ZNF880: variants seen among roughly 807,000 people sequenced by gnomAD.
ZNF880 encodes zinc finger protein 880.
Under a neutral mutation model 11.8 loss-of-function variants are expected in ZNF880, and 12 were observed. The ratio of observed to expected loss-of-function variants is 1.02; its 90% CI spans 0.65 to 1.65. ZNF880 has a LOEUF of 1.65. Ranked by LOEUF, ZNF880 falls within the 40% of genes most tolerant of loss-of-function variation. The probability of loss-of-function intolerance (pLI) is 0.00; values close to 1 mark genes in which losing one functional copy is unlikely to be tolerated. For synonymous variants in ZNF880, 210 were observed against 232.4 expected (o/e 0.90, Z 0.88); for missense variants, 601 against 673.9 (o/e 0.89, Z 1.20).
In ZNF880 at chr19:52,374,495, G is replaced by T. The variant is rs772416487; in HGVS notation, c.268+68G>T. On this transcript the variant is annotated intron_variant, in intron 3 of 3. Coordinates refer to ENST00000422689, the MANE Select transcript of ZNF880 (RefSeq NM_001145434.2). Reference sequence around the variant, plus strand: ...TTTTTTTTAAACAGGGTCTTGCTCTGTCACCCAGGCTGTCGTAGAGTGGCA... The same window carrying T: ...TTTTTTTTAAACAGGGTCTTGCTCTTTCACCCAGGCTGTCGTAGAGTGGCA... The T allele has an allele frequency of 5.9e-6, 9 of 1,537,930 alleles. No homozygotes were observed. The East Asian group carries it at 2.2e-4, about 37-fold the overall frequency.
the ZNF880 span, among the ~76,000 whole-genome samples, chr19:52,393,407 C>CT: frequency 8.0e-6 from 1 of 124,944 alleles, no homozygotes; most frequent in African/African-American, 3.4e-5. Context: ...AATTTTCTTT[C>CT]TTTCTTTTTT....
Position 52,384,100 on chromosome 19 carries a change from GAACA to G in ZNF880, c.523_526del (p.Gln175LysfsTer4), listed in dbSNP as rs1205249856. 1.3e-6 allele frequency: 2 copies of G among 1,594,270 alleles called. No individual in the cohort carries two copies. Among genetic ancestry groups the G allele is most frequent in the South Asian group, 2.2e-5 (2 of 89,170 alleles). ...TGATGATTCTCCATTTCTCCCACAA[GAACA>G]AAAAGCACAAATAAGGGAAAAACCG... is the stretch of plus-strand genomic sequence containing the variant. On this transcript the variant is annotated frameshift_variant, in exon 4 of 4. Coordinates refer to ENST00000422689, the MANE Select transcript of ZNF880 (RefSeq NM_001145434.2). LOFTEE classifies it low-confidence loss of function (END_TRUNC).
Position 52,384,679 on chromosome 19 carries a change from C to T in ZNF880, c.1099C>T (p.Leu367Phe), listed in dbSNP as rs370101970. ...CGKVFNRNAH[L>F]TRHQRIHTGE... ...CAAGGTCTTCAATCGAAATGCACAC[C>T]TTACCAGACATCAAAGAATCCATAC... Residue 367 changes from leucine to phenylalanine, a missense_variant, in exon 4 of 4, where the codon CTT becomes TTT. By Grantham distance (22) the Leu-to-Phe change is conservative. Transcript: ENST00000422689. 6.2e-7 allele frequency: 1 copy of T among 1,611,960 alleles called. No homozygotes were observed. Among genetic ancestry groups the T allele is most frequent in the Non-Finnish European group, 8.5e-7 (1 of 1,178,898 alleles).
intron 1 of ZNF880, among the ~76,000 whole-genome samples, chr19:52,371,874 C>T (rs889409279): frequency 1.3e-5 from 2 of 152,030 alleles, no homozygotes; most frequent in African/African-American, 4.8e-5. Flanking sequence ...TAGAAAGTGC[C>T]TGTCACATGG....
downstream of ZNF880, chr19:52,390,354 T>C: frequency 2.4e-6 from 1 of 422,410 alleles, no homozygotes; most frequent in Non-Finnish European, 4.8e-6. Context: ...CGTGAACTCT[T>C]CCTGGTCCTG....
chr19:52,393,962 C>A, the ZNF880 span, among the ~76,000 whole-genome samples: 4 of 151,504 alleles, frequency 2.6e-5, no homozygotes, highest in African/African-American at 9.7e-5. Context: ...TCGGCCTCCC[C>A]AGTAGCTGGG....
chr19:52,374,780 C>G, intron 3 of ZNF880: 1 of 538,498 alleles, frequency 1.9e-6, no homozygotes, highest in Non-Finnish European at 3.3e-6. Context: ...GTTGCCCAGG[C>G]TGGAGTGTAG....
At chr19:52,371,246 G>A (rs192462357) in intron 1 of ZNF880, among the ~76,000 whole-genome samples, 36 of 152,272 alleles carry the variant, frequency 2.4e-4, no homozygotes, top group African/African-American at 8.7e-4. Context: ...GGGGATACAT[G>A]TGCGACAGTT....
At chr19:52,369,856 A>T (rs950538792), upstream of ZNF880, 13 of 1,401,406 alleles carry the variant, frequency 9.3e-6, no homozygotes, top group African/African-American at 1.7e-4. Flanking sequence ...AGCGAGGCGG[A>T]GGGAAGCGCA....
intron 1 of ZNF880, among the ~76,000 whole-genome samples, chr19:52,372,082 G>C (rs1050654709): frequency 1.3e-5 from 2 of 151,498 alleles, no homozygotes; most frequent in African/African-American, 4.8e-5. Flanking sequence ...CCAGCTACTC[G>C]GGAGGCTGAG....
Position 52,369,929 on chromosome 19 carries a change from C to G in ZNF880, c.-37C>G. On this transcript the variant is annotated 5_prime_UTR_variant, in exon 1 of 4. Transcript: ENST00000422689. ...GCCTCTCAGCTGCGCGCGCAGTTTC[C>G]TGGAGACCCGGAAGCAGATTACGTG... 6.4e-7 allele frequency: 1 copy of G among 1,551,660 alleles called. No individual in the cohort carries two copies. Among genetic ancestry groups the G allele is most frequent in the Non-Finnish European group, 8.7e-7 (1 of 1,146,986 alleles).
upstream of ZNF880, chr19:52,369,887 G>T (rs1368067193): frequency 7.1e-6 from 11 of 1,542,004 alleles, no homozygotes; most frequent in Non-Finnish European, 7.9e-6. Flanking sequence ...AATCCCACCC[G>T]GGCCTGGCCT....
At chr19:52,370,624 T>C (rs75086774) in intron 1 of ZNF880, 3,084 of 152,362 alleles carry the variant, frequency 0.02, 47 homozygotes, top group Non-Finnish European at 0.031. Context: ...ATCTCAATTT[T>C]TGAAACATAT....
intron 3 of ZNF880, among the ~76,000 whole-genome samples, chr19:52,377,818 T>G (rs1950599716): frequency 1.3e-5 from 2 of 152,158 alleles, no homozygotes; most frequent in Non-Finnish European, 2.9e-5. Context: ...ATTTGGAAGA[T>G]CTCGTGACCC....
At chr19:52,395,580 A>G in the ZNF880 span, 32 of 152,348 alleles carry the variant, frequency 2.1e-4, no homozygotes, top group African/African-American at 7.7e-4. Flanking sequence ...AATTTGTTAC[A>G]TACAGATCGG....
downstream of ZNF880, among the ~76,000 whole-genome samples, chr19:52,387,095 T>A (rs1449459759): frequency 6.9e-6 from 1 of 144,766 alleles, no homozygotes; most frequent in Non-Finnish European, 1.5e-5. Context: ...TTTGGTTTTC[T>A]TTGTCTTCAC....
downstream of ZNF880, among the ~76,000 whole-genome samples, chr19:52,387,444 G>T (rs1347556994): frequency 1.8e-5 from 2 of 112,134 alleles, no homozygotes; most frequent in African/African-American, 8.2e-5. Flanking sequence ...ACAAATATAT[G>T]ACAAATACTT....
intron 1 of ZNF880, among the ~76,000 whole-genome samples, chr19:52,372,594 T>C (rs1986410160): frequency 6.8e-6 from 1 of 146,592 alleles, no homozygotes; most frequent in Non-Finnish European, 1.5e-5. Context: ...GGCCTAGAAA[T>C]CTATACTAAT....
At chr19:52,388,827 A>C (rs1755756097), downstream of ZNF880, 1 of 152,168 alleles carries the variant, frequency 6.6e-6, no homozygotes, top group African/African-American at 2.4e-5. Flanking sequence ...AGACATACAC[A>C]AGACTAGGTA....
Sources: allele counts gnomAD v4.1 joint callset (sites outside exome capture counted in the v4.1 genomes callset), GRCh38; gene constraint gnomAD v4.1.1; transcripts MANE v1.5; gene names NCBI Gene and HGNC (gene_info 2026-07-23, HGNC 2026-07-21).